The following GDAP1 variants were observed in gnomAD, a reference collection of about 807,000 sequenced individuals.
GDAP1 encodes the protein ganglioside-induced differentiation-associated protein 1.
A neutral mutation model predicts 40.1 loss-of-function variants in GDAP1; 34 were observed. The ratio of observed to expected loss-of-function variants is 0.85; its 90% CI spans 0.64 to 1.13. The LOEUF (loss-of-function observed/expected upper bound fraction) is 1.13. Ranked by LOEUF, GDAP1 falls within the 50% of genes most tolerant of loss-of-function variation. The pLI is 0.00. For missense variants in GDAP1, 374 were observed against 433.7 expected, an observed-to-expected ratio of 0.86 and a Z score of 1.22; for synonymous variants, 170 against 157.4, an observed-to-expected ratio of 1.08 and a Z score of -0.60.
chr8:74,442,637 T>C (rs1483317691), intron 2 of GDAP1, among the ~76,000 whole-genome samples: 1 of 152,212 alleles, frequency 6.6e-6, no homozygotes, highest in Non-Finnish European at 1.5e-5. Flanking sequence ...GAAAAAGACT[T>C]CCTTGAAACA....
chr8:74,373,589 A>AT (rs1809793712), intron 2 of GDAP1, among the ~76,000 whole-genome samples: 1 of 152,126 alleles, frequency 6.6e-6, no homozygotes, highest in Admixed American at 6.6e-5. Flanking sequence ...AATGCTTGTG[A>AT]TTTTTGCACA....
intron 2 of GDAP1, among the ~76,000 whole-genome samples, chr8:74,390,313 A>G (rs906519431): frequency 6.6e-5 from 10 of 151,902 alleles, no homozygotes; most frequent in Non-Finnish European, 1.0e-4. Context: ...CTTCATCTTC[A>G]TGGATTTATT....
At chr8:74,484,086 A>G (rs571591452) in intron 2 of GDAP1, among the ~76,000 whole-genome samples, 2 of 152,334 alleles carry the variant, frequency 1.3e-5, no homozygotes, top group East Asian at 3.9e-4. Flanking sequence ...GGTTTAATGA[A>G]TAAATGTTCA....
At chr8:74,481,346 G>A (rs1272079985) in intron 2 of GDAP1, among the ~76,000 whole-genome samples, 1 of 152,238 alleles carries the variant, frequency 6.6e-6, no homozygotes, top group Non-Finnish European at 1.5e-5. Context: ...AATAGCTGCA[G>A]TAATGGCATC....
chr8:74,427,553 T>C (rs1026390598), intron 2 of GDAP1, among the ~76,000 whole-genome samples: 25 of 152,314 alleles, frequency 1.6e-4, no homozygotes, highest in Non-Finnish European at 3.1e-4. Flanking sequence ...AGTTCTATCC[T>C]AAAACAGACA....
At chr8:74,371,031 T>C (rs73689108), downstream of GDAP1, among the ~76,000 whole-genome samples, 1,305 of 152,286 alleles carry the variant, frequency 8.6e-3, 22 homozygotes, top group African/African-American at 0.03. Context: ...CTCTCAGTAA[T>C]GAATAGATAA....
At chr8:74,483,425 A>G (rs909021338) in intron 2 of GDAP1, among the ~76,000 whole-genome samples, 5 of 152,128 alleles carry the variant, frequency 3.3e-5, no homozygotes, top group Admixed American at 2.0e-4. Flanking sequence ...GCACCAACCA[A>G]ATAGAATTAG....
At chr8:74,373,496 G>A (rs1041593056) in intron 2 of GDAP1, among the ~76,000 whole-genome samples, 1 of 152,040 alleles carries the variant, frequency 6.6e-6, no homozygotes, top group African/African-American at 2.4e-5. Flanking sequence ...TGGATTCCTA[G>A]GTATTTTATT....
chr8:74,419,309 G>A (rs1488628595), intron 2 of GDAP1, among the ~76,000 whole-genome samples: 1 of 152,132 alleles, frequency 6.6e-6, no homozygotes, highest in Non-Finnish European at 1.5e-5. Context: ...ATAAACTGTG[G>A]GGTATTCATA....
chr8:74,455,250 AAAC>A (rs143143652), intron 2 of GDAP1, among the ~76,000 whole-genome samples: 1,795 of 152,118 alleles, frequency 0.012, 22 homozygotes, highest in African/African-American at 0.041. Context: ...CCCTGCATTT[AAAC>A]AACGAGTCTA....
intron 2 of GDAP1, among the ~76,000 whole-genome samples, chr8:74,401,173 G>A (rs182586964): frequency 0.19 from 28,377 of 147,472 alleles, 3,102 homozygotes; most frequent in Admixed American, 0.31. Context: ...CATTCTCCCC[G>A]TCACTTTCGG....
chr8:74,386,662 A>G (rs1179881084), intron 2 of GDAP1, among the ~76,000 whole-genome samples: 1 of 152,156 alleles, frequency 6.6e-6, no homozygotes, highest in Non-Finnish European at 1.5e-5. Context: ...TGTCTTGGCT[A>G]TACAGGCTCT....
intron 2 of GDAP1, among the ~76,000 whole-genome samples, chr8:74,403,610 T>C (rs932843010): frequency 2.7e-5 from 4 of 150,214 alleles, no homozygotes; most frequent in Non-Finnish European, 5.9e-5. Context: ...CACCAGAAGT[T>C]CCAGTAAAAG....
At chr8:74,416,136 C>T (rs1398576283) in intron 2 of GDAP1, among the ~76,000 whole-genome samples, 1 of 149,876 alleles carries the variant, frequency 6.7e-6, no homozygotes, top group Admixed American at 6.6e-5. Flanking sequence ...ACCCCAGTGG[C>T]CAGAGAACTG....
chr8:74,458,968 C>T (rs968306443), intron 2 of GDAP1, among the ~76,000 whole-genome samples: 1 of 152,146 alleles, frequency 6.6e-6, no homozygotes, highest in Non-Finnish European at 1.5e-5. Flanking sequence ...AGATTTTTGG[C>T]CTCCAGACTA....
At chr8:74,430,196 A>G (rs960217959) in intron 2 of GDAP1, among the ~76,000 whole-genome samples, 2 of 152,258 alleles carry the variant, frequency 1.3e-5, no homozygotes, top group African/African-American at 4.8e-5. Flanking sequence ...TAGTTGGAGA[A>G]GCTGAAGGGC....
intron 2 of GDAP1, among the ~76,000 whole-genome samples, chr8:74,395,426 C>T (rs779515177): frequency 6.6e-6 from 1 of 152,134 alleles, no homozygotes; most frequent in Admixed American, 6.6e-5. Flanking sequence ...ATTTCATGTC[C>T]TTTCTCTTCT....
intron 4 of GDAP1, 83 bp from the exon 5 acceptor site, chr8:74,362,854 AAG>A: frequency 3.2e-6 from 2 of 619,876 alleles, no homozygotes; most frequent in Middle Eastern, 4.8e-4. Flanking sequence ...TGAACTCTGT[AAG>A]AGTTTGTATC....
chr8:74,465,470 C>T (rs535011520), intron 2 of GDAP1, among the ~76,000 whole-genome samples: 40 of 152,110 alleles, frequency 2.6e-4, no homozygotes, highest in Non-Finnish European at 5.1e-4. Flanking sequence ...AGAGTTCAAG[C>T]CACCAAGTTC....
Sources: allele counts gnomAD v4.1 joint callset (sites outside exome capture counted in the v4.1 genomes callset), GRCh38; gene constraint gnomAD v4.1.1; transcripts MANE v1.5; gene names NCBI Gene and HGNC (gene_info 2026-07-23, HGNC 2026-07-21).